Variants in TBC1D4 observed in about 807,000 individuals in gnomAD.
TBC1D4 encodes TBC (Tre-2, BUB2, CDC16) domain-containing protein.
In TBC1D4, 121 loss-of-function variants were observed where a neutral mutation model predicts 142.5. That is an observed-to-expected ratio of 0.85 (90% CI 0.73 to 0.99). The LOEUF is 0.99. Ranked by LOEUF, TBC1D4 falls within the 50% of genes least tolerant of loss-of-function variation. The probability of loss-of-function intolerance (pLI) is 0.00; values close to 1 mark genes in which losing one functional copy is unlikely to be tolerated. For missense variants in TBC1D4, 1,475 were observed against 1,606.6 expected, an observed-to-expected ratio of 0.92 and a Z score of 1.40; for synonymous variants, 630 against 628.2, an observed-to-expected ratio of 1.00 and a Z score of -0.04.
rs188307305 is a variant in TBC1D4, at chr13:75,385,812, A to T, written c.499-23205T>A. ...ATAAGAAACTGTCCTATATTCTGCT[A>T]ATTTATTGAACCCACTCATAAAATC... On this transcript the variant is annotated intron_variant, in intron 1 of 20. Transcript: ENST00000377636. Among the ~76,000 whole-genome samples the T allele has an allele frequency of 4.6e-5, 7 of 152,320 alleles. No individual in the cohort carries two copies. The East Asian group carries it at 1.4e-3, about 29-fold the overall frequency.
intron 19 of TBC1D4, 37 bp downstream of exon 19, chr13:75,292,065 A>C (rs756434489): frequency 3.2e-6 from 5 of 1,544,732 alleles, no homozygotes; most frequent in Non-Finnish European, 4.4e-6. Flanking sequence ...TCAGTAGAGA[A>C]AACTGCTATA....
chr13:75,378,591 A>C (rs1883648613), intron 1 of TBC1D4, among the ~76,000 whole-genome samples: 1 of 152,114 alleles, frequency 6.6e-6, no homozygotes, highest in South Asian at 2.1e-4. Flanking sequence ...GAAGGGAAAA[A>C]GTTGATCACA....
At chr13:75,418,731 C>T (rs1439150817) in intron 1 of TBC1D4, among the ~76,000 whole-genome samples, 1 of 152,214 alleles carries the variant, frequency 6.6e-6, no homozygotes, top group African/African-American at 2.4e-5. Context: ...CTGCTAAACA[C>T]TTTATTTCAA....
chr13:75,417,586 C>G (rs1422751420), intron 1 of TBC1D4, among the ~76,000 whole-genome samples: 6 of 152,134 alleles, frequency 3.9e-5, no homozygotes, highest in Admixed American at 3.9e-4. Context: ...GGACCTTCAT[C>G]ATGGAGAACA....
intron 14 of TBC1D4, among the ~76,000 whole-genome samples, chr13:75,309,648 T>C (rs17064143): frequency 0.015 from 2,215 of 152,322 alleles, 62 homozygotes; most frequent in African/African-American, 0.05. Context: ...ATTGATTCCA[T>C]ATTATCTACA....
Position 75,481,812 on chromosome 13 carries a change from C to T in TBC1D4, c.-45G>A, listed in dbSNP as rs932191378. ...CACCGCGGAGGCCGGCCGGGCGCAC[C>T]GCGCCCCCCACTCCCGCGCAGAAGG... On this transcript the variant is annotated 5_prime_UTR_variant, in exon 1 of 21. Transcript: ENST00000377636. The T allele has an allele frequency of 1.4e-6, 2 of 1,453,086 alleles. No homozygotes were observed. The highest frequency in any genetic ancestry group is 1.8e-6 in the Non-Finnish European group (2 of 1,112,328). The allele number at this position is 1,453,086 out of a possible 1,614,324, so 90.0% of individuals were successfully genotyped here.
intron 5 of TBC1D4, among the ~76,000 whole-genome samples, chr13:75,344,879 A>C (rs1881023555): frequency 6.6e-6 from 1 of 152,248 alleles, no homozygotes; most frequent in Admixed American, 6.5e-5. Context: ...TTTTTAAAAT[A>C]TCTTCCTCAC....
intron 17 of TBC1D4, among the ~76,000 whole-genome samples, chr13:75,297,157 T>G (rs186059456): frequency 1.3e-5 from 2 of 152,328 alleles, no homozygotes; most frequent in East Asian, 3.9e-4. Context: ...TTTTTAAACA[T>G]CTGCATTTTC....
At chr13:75,479,558 G>A (rs1052355383) in intron 1 of TBC1D4, among the ~76,000 whole-genome samples, 1 of 152,092 alleles carries the variant, frequency 6.6e-6, no homozygotes, top group Non-Finnish European at 1.5e-5. Flanking sequence ...GACCATCAAT[G>A]AGATTAGCAA....
intron 1 of TBC1D4, among the ~76,000 whole-genome samples, chr13:75,474,961 A>G (rs1888577430): frequency 6.6e-6 from 1 of 152,094 alleles, no homozygotes; most frequent in South Asian, 2.1e-4. Flanking sequence ...TCTATATCTC[A>G]GTTTTCTCAT....
chr13:75,459,500 C>T (rs979084747), intron 1 of TBC1D4, among the ~76,000 whole-genome samples: 3 of 152,146 alleles, frequency 2.0e-5, no homozygotes, highest in African/African-American at 7.2e-5. Context: ...ACTTGCCTTT[C>T]TCACAATATT....
chr13:75,405,313 C>T (rs1252462103), intron 1 of TBC1D4, among the ~76,000 whole-genome samples: 2 of 148,738 alleles, frequency 1.3e-5, no homozygotes, highest in Non-Finnish European at 3.0e-5. Context: ...CTCTGTCACC[C>T]GGCTGGAGTG....
chr13:75,424,514 C>A (rs1055868689), intron 1 of TBC1D4, among the ~76,000 whole-genome samples: 23 of 152,028 alleles, frequency 1.5e-4, no homozygotes, highest in Non-Finnish European at 3.4e-4. Context: ...AAAAAAAAAT[C>A]TTAAGATTCA....
intron 7 of TBC1D4, among the ~76,000 whole-genome samples, chr13:75,337,861 G>A (rs1880356897): frequency 6.6e-6 from 1 of 152,148 alleles, no homozygotes; most frequent in Admixed American, 6.6e-5. Context: ...ATTGCTTAAG[G>A]GAGAGAAAGT....
chr13:75,303,080 G>C lies in TBC1D4; in HGVS notation c.2753-679C>G, dbSNP rs1047343258. On this transcript the variant is annotated intron_variant, in intron 15 of 20. Transcript: ENST00000377636. ...TGCCTGTAATCCCAACACTTTGGGAGGCCAAGGTGGGTGGGTCACTTGAGG... is the reference window on the plus strand; with the variant it reads ...TGCCTGTAATCCCAACACTTTGGGACGCCAAGGTGGGTGGGTCACTTGAGG... Among the ~76,000 whole-genome samples the C allele has an allele frequency of 6.6e-5, 10 of 152,334 alleles. No individual in the cohort carries two copies. In the South Asian group the frequency reaches 2.1e-3, roughly 32 times the overall value.
intron 1 of TBC1D4, among the ~76,000 whole-genome samples, chr13:75,373,842 T>C (rs569060894): frequency 6.0e-4 from 92 of 152,324 alleles, no homozygotes; most frequent in African/African-American, 2.1e-3. Context: ...GTTCATTAAA[T>C]ATCAAACGCT....
chr13:75,376,773 CAGT>C (rs1883535295), intron 1 of TBC1D4, among the ~76,000 whole-genome samples: 5 of 152,166 alleles, frequency 3.3e-5, no homozygotes, highest in Admixed American at 3.3e-4. Context: ...TTACTTCAAC[CAGT>C]AATATGTTTC....
At chr13:75,466,389 A>T (rs2031507) in intron 1 of TBC1D4, among the ~76,000 whole-genome samples, 88,815 of 151,992 alleles carry the variant, frequency 0.58, 26,218 homozygotes, top group East Asian at 0.7. Context: ...ATTGACAGCA[A>T]GAGTCTAAAG....
chr13:75,333,459 G>A (rs989376835), intron 8 of TBC1D4, among the ~76,000 whole-genome samples: 1 of 152,120 alleles, frequency 6.6e-6, no homozygotes, highest in East Asian at 1.9e-4. Flanking sequence ...GGTTTAAAAC[G>A]ATCACTTTGT....
Sources: allele counts gnomAD v4.1 joint callset (sites outside exome capture counted in the v4.1 genomes callset), GRCh38; gene constraint gnomAD v4.1.1; transcripts MANE v1.5; gene names NCBI Gene and HGNC (gene_info 2026-07-23, HGNC 2026-07-21).